The following VWA2 variants were observed in gnomAD, a reference collection of about 807,000 sequenced individuals.
The protein encoded by VWA2 is von Willebrand factor A domain-containing protein 2.
Under a neutral mutation model 70.4 loss-of-function variants are expected in VWA2, and 73 were observed. That is an observed-to-expected ratio of 1.04 (90% confidence interval 0.86 to 1.26). VWA2 has a LOEUF of 1.26. Among genes scored for constraint, VWA2 ranks in the 50% most tolerant of loss-of-function variants. The pLI is 0.00. For synonymous variants in VWA2, 407 were observed against 423.3 expected, an observed-to-expected ratio of 0.96 and a Z score of 0.47; for missense variants, 1,011 against 998.5, an observed-to-expected ratio of 1.01 and a Z score of -0.17.
intron 5 of VWA2, 39 bp downstream of exon 5, chr10:114,261,334 C>A: frequency 6.5e-7 from 1 of 1,547,822 alleles, no homozygotes; most frequent in Non-Finnish European, 8.9e-7. Flanking sequence ...AGGGTGACGC[C>A]AACTGCTCTT....
chr10:114,275,677 C>T (rs2037826615), intron 6 of VWA2, among the ~76,000 whole-genome samples: 1 of 152,180 alleles, frequency 6.6e-6, no homozygotes, highest in African/African-American at 2.4e-5. Flanking sequence ...CCTGTAATCC[C>T]AGCACTTTGG....
chr10:114,255,248 C>G (rs1271187077), intron 4 of VWA2, among the ~76,000 whole-genome samples, 200 bp downstream of exon 4: 1 of 147,640 alleles, frequency 6.8e-6, no homozygotes, highest in Non-Finnish European at 1.5e-5. Flanking sequence ...TTTTTCCCTT[C>G]TCTCAATTTT....
chr10:114,250,584 C>T (rs1227554100), intron 2 of VWA2, among the ~76,000 whole-genome samples: 2 of 152,178 alleles, frequency 1.3e-5, no homozygotes, highest in Non-Finnish European at 2.9e-5. Context: ...TTGTTCTCTG[C>T]TGAATTGGCT....
At chr10:114,248,847 A>C in intron 2 of VWA2, 82 bp downstream of exon 2, 1 of 1,314,420 alleles carries the variant, frequency 7.6e-7, no homozygotes. Flanking sequence ...TTGATTTTCA[A>C]TTCTAAAGGT....
chr10:114,258,729 T>C (rs1440896239), intron 4 of VWA2, among the ~76,000 whole-genome samples: 1 of 152,256 alleles, frequency 6.6e-6, no homozygotes, highest in Non-Finnish European at 1.5e-5. Flanking sequence ...CCATTTGCCC[T>C]GTCCCTCAAC....
In VWA2 at chr10:114,284,971, G is replaced by T. The variant is rs1046836614; in HGVS notation, c.997+1G>T. 12 of 1,593,388 alleles carry T rather than the reference G, an allele frequency of 7.5e-6. No homozygotes were observed. The highest frequency in any genetic ancestry group is 3.4e-5 in the South Asian group (3 of 87,518). On this transcript the variant is annotated splice_donor_variant, in intron 10 of 13. Transcript: ENST00000392982. LOFTEE classifies it high-confidence loss of function. ...GCCTTTGGAGGGGAGGCTAACTGTGGTAGGTATGCACCGGCCCTGCAAGAC... is the reference window on the plus strand; with the variant it reads ...GCCTTTGGAGGGGAGGCTAACTGTGTTAGGTATGCACCGGCCCTGCAAGAC...
intron 9 of VWA2, among the ~76,000 whole-genome samples, chr10:114,283,173 T>C (rs1003859358): frequency 2.0e-5 from 3 of 152,194 alleles, no homozygotes; most frequent in Non-Finnish European, 4.4e-5. Context: ...CCCTTCAATG[T>C]GTAGGTGTCA....
chr10:114,272,633 T>G (rs528331403), intron 5 of VWA2, 107 bp from the exon 6 acceptor site: 1 of 1,011,476 alleles, frequency 9.9e-7, no homozygotes, highest in Admixed American at 2.4e-5. Flanking sequence ...AGGAGAAAGC[T>G]ACCTTTCGCT....
Position 114,294,439 on chromosome 10 carries a change from A to C in VWA2, c.*3202A>C, listed in dbSNP as rs2039883579. On this transcript the variant is annotated 3_prime_UTR_variant, in exon 14 of 14. Coordinates refer to ENST00000392982, the MANE Select transcript of VWA2 (RefSeq NM_001272046.2). ...AGGTTGTCTATTTGTCTCTTTAATG[A>C]ACCCGATTTTGATTTTGTCATTTTT... Among the ~76,000 whole-genome samples the C allele has an allele frequency of 6.6e-6, 1 of 152,182 alleles. No individual in the cohort carries two copies. The highest frequency in any genetic ancestry group is 1.5e-5 in the Non-Finnish European group (1 of 68,036).
chr10:114,273,973 CTTCT>C (rs1197870833), intron 6 of VWA2, among the ~76,000 whole-genome samples: 2 of 152,278 alleles, frequency 1.3e-5, no homozygotes, highest in African/African-American at 4.8e-5. Flanking sequence ...TCAGTCAAGG[CTTCT>C]TTGAGAAATT....
In VWA2 at chr10:114,286,059, T is replaced by A; in HGVS notation, c.1118T>A (p.Val373Glu). 1 of 1,614,154 alleles carries A rather than the reference T, an allele frequency of 6.2e-7. No homozygotes were observed. Among genetic ancestry groups the A allele is most frequent in the Non-Finnish European group, 8.5e-7 (1 of 1,180,038 alleles). Residue 373 changes from valine to glutamate, a missense_variant, in exon 11 of 14, where the codon GTG (valine) becomes GAG (glutamate). Val to Glu is a moderately radical substitution (Grantham distance 121). Coordinates refer to ENST00000392982, the MANE Select transcript of VWA2 (RefSeq NM_001272046.2). ...KVFVKRFVRA[V>E]LSEDSRARVG... ...TTCGTGAAGCGGTTTGTGCGGGCCG[T>A]GCTGAGCGAGGACTCTCGGGCCCGA...
chr10:114,291,133 G>A, intron 13 of VWA2, 85 bp from the exon 14 acceptor site: 1 of 1,489,132 alleles, frequency 6.7e-7, no homozygotes, highest in Non-Finnish European at 9.2e-7. Context: ...GTAAGAGCAG[G>A]ACCTGAAGGG....
chr10:114,278,159 G>A (rs2037895471), intron 7 of VWA2, 112 bp downstream of exon 7: 5 of 1,436,518 alleles, frequency 3.5e-6, no homozygotes, highest in Non-Finnish European at 4.7e-6. Flanking sequence ...GCAGGCAAGA[G>A]AAACAGAGAC....
chr10:114,290,436 T>A, intron 13 of VWA2, 71 bp downstream of exon 13: 8 of 1,532,600 alleles, frequency 5.2e-6, no homozygotes, highest in Non-Finnish European at 7.1e-6. Context: ...TCCCACAAAC[T>A]CAGCTGAAGG....
intron 9 of VWA2, among the ~76,000 whole-genome samples, chr10:114,284,110 G>T (rs1395859236): frequency 1.3e-5 from 2 of 152,202 alleles, no homozygotes; most frequent in Non-Finnish European, 2.9e-5. Context: ...AGATGCTCAG[G>T]CATGGACCAC....
rs1279905105 is a variant in VWA2 at position 114,272,814 on chromosome 10, C to G, written c.446C>G (p.Ser149Cys). ...HRGLPGGRNA[S>C]VPQILIIVTD... ...GGGTTGCCTGGAGGCAGAAATGCTT[C>G]TGTGCCCCAGATCCTCATCATCGTC... Residue 149 changes from serine (S) to cysteine (C), a missense_variant, in exon 6 of 14, where the codon TCT (serine) becomes TGT (cysteine). Coordinates refer to ENST00000392982, the MANE Select transcript of VWA2 (RefSeq NM_001272046.2). 2 of 1,614,010 alleles carry G rather than the reference C, an allele frequency of 1.2e-6. No individual in the cohort carries two copies. The highest frequency in any genetic ancestry group is 1.7e-6 in the Non-Finnish European group (2 of 1,179,958).
chr10:114,276,012 A>G (rs995750190), intron 6 of VWA2, among the ~76,000 whole-genome samples: 4 of 152,236 alleles, frequency 2.6e-5, no homozygotes, highest in Non-Finnish European at 5.9e-5. Flanking sequence ...CAGCAGACAT[A>G]AAATGACTGT....
intron 5 of VWA2, among the ~76,000 whole-genome samples, chr10:114,262,919 C>T (rs1171737955): frequency 1.3e-5 from 2 of 152,174 alleles, no homozygotes; most frequent in African/African-American, 4.8e-5. Flanking sequence ...TTACAGAGAA[C>T]AGTCTCAGCC....
intron 1 of VWA2, among the ~76,000 whole-genome samples, chr10:114,242,037 A>C (rs630051): frequency 0.47 from 71,145 of 151,518 alleles, 17,636 homozygotes; most frequent in African/African-American, 0.64. Context: ...CCTTTGTGTG[A>C]CCTTTCGTCT....
Sources: allele counts gnomAD v4.1 joint callset (sites outside exome capture counted in the v4.1 genomes callset), GRCh38; gene constraint gnomAD v4.1.1; transcripts MANE v1.5; gene names NCBI Gene and HGNC (gene_info 2026-07-23, HGNC 2026-07-21).